Variants in ABTB3 observed in about 807,000 individuals in gnomAD.
The protein encoded by ABTB3 is ankyrin repeat and BTB domain containing 3.
chr12:107,525,515 G>A, the ABTB3 span, among the ~76,000 whole-genome samples: 1 of 152,150 alleles, frequency 6.6e-6, no homozygotes, highest in Non-Finnish European at 1.5e-5. Context: ...GGCTGAGAGT[G>A]ATAGGCTACA....
chr12:107,595,111 G>A, the ABTB3 span, among the ~76,000 whole-genome samples: 3 of 152,156 alleles, frequency 2.0e-5, no homozygotes, highest in African/African-American at 7.2e-5. Flanking sequence ...TGTTCATAGA[G>A]AGACTTGCTG....
At chr12:107,442,946 G>A in the ABTB3 span, among the ~76,000 whole-genome samples, 1 of 152,160 alleles carries the variant, frequency 6.6e-6, no homozygotes, top group Admixed American at 6.5e-5. Flanking sequence ...TCTGGTGAAG[G>A]CCGGCTTCCT....
the ABTB3 span, among the ~76,000 whole-genome samples, chr12:107,357,863 G>T: frequency 1.3e-5 from 2 of 152,146 alleles, no homozygotes; most frequent in African/African-American, 4.8e-5. Context: ...GTATTTCTGG[G>T]CATTTAAAGC....
chr12:107,582,175 T>C, the ABTB3 span, among the ~76,000 whole-genome samples: 6 of 152,148 alleles, frequency 3.9e-5, no homozygotes, highest in Non-Finnish European at 8.8e-5. Flanking sequence ...CCCAGAGCTG[T>C]CCCTCAGCCC....
chr12:107,657,386 T>C, the ABTB3 span: 7 of 823,780 alleles, frequency 8.5e-6, no homozygotes, highest in Admixed American at 1.5e-4. Context: ...TGCTGGGGAA[T>C]CAGAGACATT....
the ABTB3 span, chr12:107,581,415 C>A: frequency 1.1e-6 from 1 of 921,620 alleles, no homozygotes; most frequent in Non-Finnish European, 1.4e-6. Context: ...CACACCTCGG[C>A]GGCGCTGGGG....
At chr12:107,322,125 T>C in the ABTB3 span, among the ~76,000 whole-genome samples, 47 of 152,352 alleles carry the variant, frequency 3.1e-4, no homozygotes, top group African/African-American at 1.1e-3. Flanking sequence ...TTTACTTTTA[T>C]GAACCTTAAC....
the ABTB3 span, among the ~76,000 whole-genome samples, chr12:107,629,656 A>C: frequency 1.0e-5 from 1 of 98,908 alleles, no homozygotes; most frequent in Non-Finnish European, 1.9e-5. Flanking sequence ...CTCCCAGGTC[A>C]GACCCTGCAT....
chr12:107,535,010 T>C, the ABTB3 span, among the ~76,000 whole-genome samples: 2 of 152,126 alleles, frequency 1.3e-5, no homozygotes, highest in African/African-American at 2.4e-5. Flanking sequence ...TATAGATCAA[T>C]ATCCTCAGTG....
the ABTB3 span, among the ~76,000 whole-genome samples, chr12:107,354,078 C>T: frequency 2.0e-5 from 3 of 152,116 alleles, no homozygotes; most frequent in Admixed American, 6.5e-5. Flanking sequence ...AGTAATAGAG[C>T]CATGGAACCA....
chr12:107,438,762 C>T, the ABTB3 span, among the ~76,000 whole-genome samples: 6 of 152,212 alleles, frequency 3.9e-5, no homozygotes, highest in African/African-American at 9.6e-5. Context: ...GATGCAAGGA[C>T]GCGTTAGCAC....
the ABTB3 span, among the ~76,000 whole-genome samples, chr12:107,559,321 A>G: frequency 2.6e-5 from 4 of 152,046 alleles, no homozygotes; most frequent in Admixed American, 2.6e-4. Flanking sequence ...GCTTGCTCTC[A>G]TTTGCCTGGA....
At chr12:107,544,694 G>A in the ABTB3 span, among the ~76,000 whole-genome samples, 1 of 152,154 alleles carries the variant, frequency 6.6e-6, no homozygotes, top group Non-Finnish European at 1.5e-5. Flanking sequence ...TTCCTTTAGC[G>A]ACGGATTAAT....
the ABTB3 span, among the ~76,000 whole-genome samples, chr12:107,527,194 A>G: frequency 2.6e-5 from 4 of 151,772 alleles, no homozygotes; most frequent in Middle Eastern, 3.4e-3. Flanking sequence ...TTACCACCTG[A>G]CATGCTATAT....
At chr12:107,470,466 C>T in the ABTB3 span, among the ~76,000 whole-genome samples, 5 of 152,272 alleles carry the variant, frequency 3.3e-5, no homozygotes, top group African/African-American at 1.2e-4. Flanking sequence ...CTACCCTCCC[C>T]ACCTTCACTC....
At chr12:107,438,752 G>A in the ABTB3 span, among the ~76,000 whole-genome samples, 7 of 152,198 alleles carry the variant, frequency 4.6e-5, no homozygotes, top group East Asian at 7.7e-4. Flanking sequence ...CTGAAGATGC[G>A]ATGCAAGGAC....
the ABTB3 span, among the ~76,000 whole-genome samples, chr12:107,446,223 C>A: frequency 6.6e-6 from 1 of 152,088 alleles, no homozygotes; most frequent in African/African-American, 2.4e-5. Flanking sequence ...TCCAGATCTC[C>A]TAGATGATGT....
At chr12:107,528,245 G>A in the ABTB3 span, among the ~76,000 whole-genome samples, 1 of 152,074 alleles carries the variant, frequency 6.6e-6, no homozygotes, top group Non-Finnish European at 1.5e-5. Context: ...GGGTGGCACT[G>A]GAAATGATAG....
chr12:107,532,513 C>T, the ABTB3 span, among the ~76,000 whole-genome samples: 1 of 152,240 alleles, frequency 6.6e-6, no homozygotes, highest in Non-Finnish European at 1.5e-5. Context: ...ACCCGACTAA[C>T]ACTATAGATA....
Sources: allele counts gnomAD v4.1 joint callset (sites outside exome capture counted in the v4.1 genomes callset), GRCh38; gene constraint gnomAD v4.1.1; transcripts MANE v1.5; gene names NCBI Gene and HGNC (gene_info 2026-07-23, HGNC 2026-07-21).